Variants in A2ML1 observed in about 807,000 individuals in gnomAD.
A2ML1 encodes alpha-2-macroglobulin-like protein 1.
A neutral mutation model predicts 181.9 loss-of-function variants in A2ML1; 161 were observed. That is an observed-to-expected ratio of 0.89 (90% confidence interval 0.78 to 1.01). The LOEUF is 1.01. A2ML1 is among the 50% of genes least tolerant of loss of function. The pLI is 0.00. For missense variants in A2ML1, 1,670 were observed against 1,768.1 expected, an observed-to-expected ratio of 0.94 and a Z score of 1.00; for synonymous variants, 663 against 666.8, an observed-to-expected ratio of 0.99 and a Z score of 0.09.
chr12:8,845,269 T>C (rs749357071), intron 12 of A2ML1, 173 bp from the exon 13 acceptor site: 27 of 1,478,148 alleles, frequency 1.8e-5, no homozygotes, highest in Middle Eastern at 3.4e-4. Context: ...CAGGACCCGT[T>C]GGCAGCATCC....
chr12:8,843,488 G>A, intron 12 of A2ML1, 127 bp downstream of exon 12: 1 of 800,078 alleles, frequency 1.2e-6, no homozygotes, highest in Middle Eastern at 2.5e-4. Context: ...CAATTTTAAA[G>A]CCACACTAAA....
chr12:8,842,435 G>A (rs976466847), intron 11 of A2ML1, among the ~76,000 whole-genome samples: 2 of 152,174 alleles, frequency 1.3e-5, no homozygotes, highest in Admixed American at 6.5e-5. Context: ...TAGCCAGGAT[G>A]GTCTCGATCT....
chr12:8,839,267 A>C, intron 10 of A2ML1, 45 bp downstream of exon 10: 1 of 1,441,800 alleles, frequency 6.9e-7, no homozygotes, highest in Non-Finnish European at 9.7e-7. Flanking sequence ...ATGCATAACC[A>C]TCTACTTTGC....
intron 8 of A2ML1, 149 bp downstream of exon 8, chr12:8,837,715 A>G (rs1943332441): frequency 1.1e-6 from 1 of 874,226 alleles, no homozygotes; most frequent in East Asian, 4.0e-5. Context: ...CCCCGTCTCT[A>G]TTAAAAATTC....
downstream of A2ML1, among the ~76,000 whole-genome samples, chr12:8,880,162 G>A (rs890234022): frequency 1.6e-4 from 25 of 152,136 alleles, no homozygotes; most frequent in Non-Finnish European, 2.6e-4. Context: ...TCAGGAGTTC[G>A]AGACCAGCCT....
chr12:8,825,744 T>A (rs949109190), intron 3 of A2ML1, among the ~76,000 whole-genome samples: 1 of 151,722 alleles, frequency 6.6e-6, no homozygotes, highest in African/African-American at 2.4e-5. Context: ...TAGATTTAAA[T>A]CTTTCATCCA....
Position 8,851,789 on chromosome 12 carries a change from C to T in A2ML1, c.2240C>T (p.Ser747Leu), listed in dbSNP as rs755833592. Residue 747 changes from serine to leucine, a missense_variant, in exon 19 of 36, where the codon TCG (serine) becomes TTG (leucine). Physicochemically the swap from Ser to Leu is moderately radical, Grantham distance 145. Transcript: ENST00000299698. Reference protein sequence around the residue: ...WLWDLFPIGNSGKEAVHVTVP... With the variant: ...WLWDLFPIGNLGKEAVHVTVP... ...TGGTCCTTGTGTTTTCACAGTAACT[C>T]GGGGAAGGAGGCGGTCCACGTCACA... is the stretch of plus-strand genomic sequence containing the variant. 15 of 1,614,002 alleles carry T rather than the reference C, an allele frequency of 9.3e-6. No individual in the cohort carries two copies. The highest frequency in any genetic ancestry group is 8.9e-5 in the East Asian group (4 of 44,876).
At chr12:8,872,660 G>A (rs1185370426) in intron 33 of A2ML1, among the ~76,000 whole-genome samples, 11 of 151,188 alleles carry the variant, frequency 7.3e-5, no homozygotes, top group Admixed American at 5.9e-4. Context: ...TGTGCGTGCC[G>A]GTAGTCCCAG....
At chr12:8,839,250 C>CA (rs767040713) in intron 10 of A2ML1, 28 bp downstream of exon 10, 12 of 1,521,326 alleles carry the variant, frequency 7.9e-6, no homozygotes, top group East Asian at 2.3e-5. Flanking sequence ...TCTGCATAGA[C>CA]AAAAAAATGC....
downstream of A2ML1, among the ~76,000 whole-genome samples, chr12:8,887,325 G>A (rs1944931350): frequency 6.6e-6 from 1 of 152,138 alleles, no homozygotes; most frequent in Admixed American, 6.6e-5. Context: ...AATATTAACT[G>A]CTCCTCTGTA....
chr12:8,887,328 C>T (rs183117793), downstream of A2ML1, among the ~76,000 whole-genome samples: 1 of 152,224 alleles, frequency 6.6e-6, no homozygotes, highest in East Asian at 1.9e-4. Flanking sequence ...ATTAACTGCT[C>T]CTCTGTAAGG....
intron 12 of A2ML1, chr12:8,845,031 G>T: frequency 7.0e-7 from 1 of 1,432,038 alleles, no homozygotes; most frequent in East Asian, 2.5e-5. Context: ...GGGTGGTTTA[G>T]GATGAAATTA....
chr12:8,868,057 G>A lies in A2ML1; in HGVS notation c.3933G>A (p.Gln1311=). 1 of 1,613,578 alleles carries A rather than the reference G, an allele frequency of 6.2e-7. No individual in the cohort carries two copies. Among genetic ancestry groups the A allele is most frequent in the Non-Finnish European group, 8.5e-7 (1 of 1,179,468 alleles). ...CAGGCCAGGGCTGTGTCTATGTGCA[G>A]GTAAGTAGAGATCCATGAGAATGAG... ...EASGQGCVYV[Q]TVLRYNILPP... The change falls in exon 30 of 36, where the codon CAG becomes CAA. Residue 1311 remains glutamine (Q), a splice_region_variant and synonymous_variant. Transcript: ENST00000299698.
chr12:8,854,132 C>T lies in A2ML1; in HGVS notation c.2595C>T (p.His865=), dbSNP rs1205851045. The T allele has an allele frequency of 1.3e-6, 2 of 1,590,510 alleles. No homozygotes were observed. Among genetic ancestry groups the T allele is most frequent in the Non-Finnish European group, 1.7e-6 (2 of 1,167,330 alleles). ...TTCCCTTCTTCTTTCTCTCAGGTCA[C>T]ATTAACTTTACTATTAGTACAAAGA... ...HWNITAVKLG[H]INFTISTKIL... The change falls in exon 21 of 36, where the codon CAC becomes CAT. Residue 865 remains histidine, a synonymous_variant. Transcript: ENST00000299698.
downstream of A2ML1, among the ~76,000 whole-genome samples, chr12:8,878,785 A>T (rs1364050879): frequency 6.6e-6 from 1 of 151,832 alleles, no homozygotes; most frequent in Non-Finnish European, 1.5e-5. The surrounding 1 kb of genome is among the most constrained non-coding windows in gnomAD (Gnocchi z 4.4). Context: ...CAACATGGCA[A>T]AACTCCATCT....
intron 7 of A2ML1, among the ~76,000 whole-genome samples, chr12:8,882,010 C>CA (rs762931509): frequency 0.042 from 4,831 of 114,532 alleles, 90 homozygotes; most frequent in Non-Finnish European, 0.061. Context: ...GACTCTGTCT[C>CA]AAAAAAAAAA....
chr12:8,860,838 G>T (rs374358415), intron 26 of A2ML1, 43 bp from the exon 27 acceptor site: 23 of 1,556,612 alleles, frequency 1.5e-5, no homozygotes, highest in Non-Finnish European at 2.0e-5. Flanking sequence ...TCTTGCAGCT[G>T]CTGCCTGCTG....
chr12:8,865,469 G>A (rs920524139), intron 29 of A2ML1, among the ~76,000 whole-genome samples: 2 of 152,208 alleles, frequency 1.3e-5, no homozygotes, highest in Non-Finnish European at 2.9e-5. Context: ...AACCCGGGAG[G>A]CAGAGGTTGC....
In A2ML1 at chr12:8,854,327, C is replaced by T. The variant is rs1943989229; in HGVS notation, c.2712+78C>T. On this transcript the variant is annotated intron_variant, in intron 21 of 35. Transcript: ENST00000299698. ...CTCGTCTTGCTGTGAGTTAGTCTCTCACAGCAACCATACTCCAGTCCAACC... is the reference window on the plus strand; with the variant it reads ...CTCGTCTTGCTGTGAGTTAGTCTCTTACAGCAACCATACTCCAGTCCAACC... 2.0e-6 allele frequency: 3 copies of T among 1,504,748 alleles called. No homozygotes were observed. In the African/African-American group the frequency reaches 4.2e-5, roughly 21 times the overall value. The allele number at this position is 1,504,748 out of a possible 1,614,324, so 93.2% of individuals were successfully genotyped here.
Sources: allele counts gnomAD v4.1 joint callset (sites outside exome capture counted in the v4.1 genomes callset), GRCh38; gene constraint gnomAD v4.1.1; non-coding constraint Gnocchi (gnomAD v3.1); transcripts MANE v1.5; gene names NCBI Gene and HGNC (gene_info 2026-07-23, HGNC 2026-07-21).